PDE4B: variants seen among roughly 807,000 people sequenced by gnomAD.
PDE4B encodes phosphodiesterase 4B.
PDE4B carries 20 observed loss-of-function variants against 82.2 expected under a neutral mutation model. The observed-to-expected ratio is 0.24, with a 90% CI of 0.17 to 0.35. The LOEUF (loss-of-function observed/expected upper bound fraction) is 0.35, where lower values mean the gene tolerates loss of function less well. PDE4B is among the 10% of genes least tolerant of loss of function. The pLI, the probability that PDE4B is intolerant of heterozygous loss-of-function variation, is 1.00. For synonymous variants in PDE4B, 320 were observed against 318.9 expected (o/e 1.00, Z -0.04); for missense variants, 655 against 907.2 (o/e 0.72, Z 3.57).
At chr1:66,368,669 A>C (rs1663432792) in intron 15 of PDE4B, 118 bp from the exon 16 acceptor site, 1 of 687,784 alleles carries the variant, frequency 1.5e-6, no homozygotes, top group Non-Finnish European at 2.2e-6. Context: ...TGTCATAATT[A>C]TAATGCAACT....
intron 1 of PDE4B, among the ~76,000 whole-genome samples, chr1:65,892,195 G>A (rs920976281): frequency 6.6e-5 from 10 of 152,078 alleles, no homozygotes; most frequent in Admixed American, 1.3e-4. Context: ...AGGAAACTGA[G>A]GCCTGCTGAG....
intron 3 of PDE4B, among the ~76,000 whole-genome samples, chr1:66,246,082 A>G (rs1212029859): frequency 6.6e-6 from 1 of 152,220 alleles, no homozygotes; most frequent in Non-Finnish European, 1.5e-5. Context: ...TTCTGTCATT[A>G]GGAAAGTCTG....
intron 1 of PDE4B, among the ~76,000 whole-genome samples, chr1:65,807,137 G>A (rs1385956526): frequency 1.3e-5 from 2 of 152,098 alleles, no homozygotes; most frequent in Non-Finnish European, 2.9e-5. Flanking sequence ...ACCTGACCTG[G>A]GAGATGATCA....
intron 3 of PDE4B, among the ~76,000 whole-genome samples, chr1:66,116,406 G>A (rs182817727): frequency 3.9e-5 from 6 of 152,184 alleles, no homozygotes; most frequent in Admixed American, 3.9e-4. Flanking sequence ...TTTGTGCTGG[G>A]CTCCCTTCCT....
intron 1 of PDE4B, among the ~76,000 whole-genome samples, chr1:65,870,688 CT>C: frequency 6.6e-6 from 1 of 152,068 alleles, no homozygotes; most frequent in East Asian, 1.9e-4. Flanking sequence ...GGGTTACAAC[CT>C]TTTTTCCCAT....
intron 3 of PDE4B, among the ~76,000 whole-genome samples, chr1:66,071,143 G>C (rs1656136758): frequency 6.6e-6 from 1 of 151,908 alleles, no homozygotes; most frequent in Non-Finnish European, 1.5e-5. Context: ...ATTAAGAGAG[G>C]GTCATTCCAA....
chr1:66,032,800 G>A (rs571140193), intron 3 of PDE4B, among the ~76,000 whole-genome samples: 60 of 151,942 alleles, frequency 3.9e-4, no homozygotes, highest in African/African-American at 1.4e-3. Context: ...GACTACAGGC[G>A]CCTGCCACCA....
chr1:66,266,059 G>T lies in PDE4B; in HGVS notation c.606G>T (p.Gln202His), dbSNP rs780187281. 2.5e-5 allele frequency: 41 copies of T among 1,613,464 alleles called. No homozygotes were observed. The highest frequency in any genetic ancestry group is 1.7e-4 in the Middle Eastern group (1 of 6,044). ...TSNKRSPAAS[Q>H]PPVSRVNPQE... The stretch of plus-strand genomic sequence containing the variant: ...ACAGGAGGTCCCCAGCTGCTAGTCA[G>T]CCTCCTGTCTCCAGAGTCAACCCAC... The change falls in exon 7 of 17, where the codon CAG (glutamine) becomes CAT (histidine). Residue 202 changes from glutamine to histidine, a missense_variant. Gln to His is a conservative substitution (Grantham distance 24, BLOSUM62 0). This residue lies in a region of PDE4B where 253 missense variants were observed against 275.6 expected (regional missense o/e 0.92). Transcript: ENST00000341517.
At chr1:65,880,655 C>T (rs1646698466) in intron 1 of PDE4B, among the ~76,000 whole-genome samples, 1 of 151,996 alleles carries the variant, frequency 6.6e-6, no homozygotes, top group Non-Finnish European at 1.5e-5. Flanking sequence ...GACGGGATCC[C>T]TCAGCAGACA....
chr1:66,232,583 G>A (rs140874117), intron 3 of PDE4B, among the ~76,000 whole-genome samples: 3 of 152,258 alleles, frequency 2.0e-5, no homozygotes, highest in East Asian at 3.9e-4. Flanking sequence ...GAGCCCAGGG[G>A]CCCTCCAACA....
chr1:66,172,585 C>T (rs1466938005), intron 3 of PDE4B, among the ~76,000 whole-genome samples: 1 of 152,096 alleles, frequency 6.6e-6, no homozygotes, highest in Admixed American at 6.6e-5. Context: ...ATAAGTGTTC[C>T]CTTTTCTCTG....
At chr1:66,259,974 T>C (rs926092727) in intron 6 of PDE4B, among the ~76,000 whole-genome samples, 1 of 152,150 alleles carries the variant, frequency 6.6e-6, no homozygotes, top group Admixed American at 6.5e-5. Flanking sequence ...AATAGGGTTG[T>C]TATGAGGATT....
intron 3 of PDE4B, among the ~76,000 whole-genome samples, chr1:66,219,237 G>A (rs1650763197): frequency 6.6e-6 from 1 of 152,138 alleles, no homozygotes; most frequent in Non-Finnish European, 1.5e-5. Context: ...GTTAGTGGCA[G>A]TATAGGTAGA....
At chr1:66,371,861 A>G (rs1422130648) in intron 16 of PDE4B, among the ~76,000 whole-genome samples, 1 of 152,248 alleles carries the variant, frequency 6.6e-6, no homozygotes, top group Non-Finnish European at 1.5e-5. Flanking sequence ...TGACTCACAG[A>G]ATCCAAGTAG....
chr1:65,820,762 T>C (rs1645943017), intron 1 of PDE4B, among the ~76,000 whole-genome samples: 1 of 152,192 alleles, frequency 6.6e-6, no homozygotes, highest in Admixed American at 6.5e-5. Context: ...TAATAATGCA[T>C]GGAAGTATTG....
chr1:65,839,961 A>G (rs1362204345), intron 1 of PDE4B, among the ~76,000 whole-genome samples: 4 of 152,146 alleles, frequency 2.6e-5, no homozygotes. Flanking sequence ...AATGATTGCA[A>G]TTCTAACTGG....
At position 66,372,667 on chromosome 1, in the gene PDE4B, G is replaced by A. The variant is rs769957434; in HGVS notation, c.2200G>A (p.Val734Met). ...CATTGCAACAGAAGACAAGTCCCCC[G>A]TGGATACATAATCCCCCTCTCCCTG... ...IDIATEDKSP[V>M]DT The change falls in exon 17 of 17, where the codon GTG (valine) becomes ATG (methionine). Residue 734 changes from valine to methionine, a missense_variant. Physicochemically the swap from Val to Met is conservative, Grantham distance 21. Coordinates refer to ENST00000341517, the MANE Select transcript of PDE4B (RefSeq NM_002600.4). The A allele has an allele frequency of 1.5e-5, 24 of 1,611,366 alleles. 1 individual carries two copies. The South Asian group carries it at 1.8e-4, about 12-fold the overall frequency.
intron 3 of PDE4B, among the ~76,000 whole-genome samples, chr1:66,093,979 T>C (rs1396130350): frequency 6.6e-6 from 1 of 152,068 alleles, no homozygotes; most frequent in African/African-American, 2.4e-5. Flanking sequence ...TTTTAGGTAT[T>C]CTGGATATTC....
At chr1:66,267,764 G>A (rs147330004) in intron 7 of PDE4B, among the ~76,000 whole-genome samples, 92 of 152,280 alleles carry the variant, frequency 6.0e-4, no homozygotes, top group Non-Finnish European at 1.0e-3. Flanking sequence ...CAATTACTAC[G>A]TAATTACGGG....
Sources: allele counts gnomAD v4.1 joint callset (sites outside exome capture counted in the v4.1 genomes callset), GRCh38; gene constraint gnomAD v4.1.1; regional missense constraint gnomAD v4.1.1; transcripts MANE v1.5; gene names NCBI Gene and HGNC (gene_info 2026-07-23, HGNC 2026-07-21).